Variants in PEX5L observed in about 807,000 individuals in gnomAD.
PEX5L encodes the protein PEX5-related protein.
PEX5L carries 30 observed loss-of-function variants against 84.0 expected under a neutral mutation model. That is an observed-to-expected ratio of 0.36 (90% CI 0.27 to 0.48). The LOEUF is 0.48. Among genes scored for constraint, PEX5L ranks in the 20% least tolerant of loss-of-function variants. The pLI is 0.99. For synonymous variants in PEX5L, 270 were observed against 283.1 expected (o/e 0.95, Z 0.46); for missense variants, 533 against 754.6 (o/e 0.71, Z 3.44).
At chr3:179,967,756 C>T (rs1783715970) in intron 2 of PEX5L, among the ~76,000 whole-genome samples, 1 of 152,114 alleles carries the variant, frequency 6.6e-6, no homozygotes. Flanking sequence ...TTTAAAACTG[C>T]ATTAGTTGTT....
At chr3:179,857,360 G>A (rs1744407808) in intron 8 of PEX5L, among the ~76,000 whole-genome samples, 1 of 152,220 alleles carries the variant, frequency 6.6e-6, no homozygotes, top group African/African-American at 2.4e-5. Flanking sequence ...TTCAGCATAA[G>A]AAAGAACTTT....
chr3:179,807,935 A>T, intron 13 of PEX5L, 104 bp from the exon 14 acceptor site: 2 of 1,049,740 alleles, frequency 1.9e-6, no homozygotes, highest in Non-Finnish European at 2.8e-6. Flanking sequence ...AAATTTATGC[A>T]GTGCTCATGG....
At chr3:179,975,469 T>C (rs1383305599) in intron 1 of PEX5L, among the ~76,000 whole-genome samples, 1 of 152,208 alleles carries the variant, frequency 6.6e-6, no homozygotes, top group East Asian at 1.9e-4. Flanking sequence ...AAAGGAACAC[T>C]TGATTTGGCT....
chr3:179,823,567 C>G (rs932808033), intron 8 of PEX5L, among the ~76,000 whole-genome samples: 2 of 152,038 alleles, frequency 1.3e-5, no homozygotes, highest in Non-Finnish European at 2.9e-5. Context: ...TGCTAGCATA[C>G]GTTATTTTGG....
chr3:179,899,608 C>T (rs955727725), intron 2 of PEX5L, among the ~76,000 whole-genome samples: 1 of 152,130 alleles, frequency 6.6e-6, no homozygotes, highest in African/African-American at 2.4e-5. Context: ...AAAACATTAT[C>T]CATTTTCTCA....
At chr3:179,829,486 A>G (rs1288858507) in intron 8 of PEX5L, among the ~76,000 whole-genome samples, 2 of 152,160 alleles carry the variant, frequency 1.3e-5, no homozygotes, top group East Asian at 3.8e-4. Flanking sequence ...GAATGTCTCA[A>G]TGTCCCAGTT....
chr3:179,999,756 G>GT (rs1788220409), intron 1 of PEX5L, among the ~76,000 whole-genome samples: 1 of 152,186 alleles, frequency 6.6e-6, no homozygotes, highest in South Asian at 2.1e-4. Flanking sequence ...CTCTGACCAA[G>GT]TCACTCGCTT....
chr3:179,995,630 G>A (rs1374280916), intron 1 of PEX5L, among the ~76,000 whole-genome samples: 2 of 152,116 alleles, frequency 1.3e-5, no homozygotes, highest in South Asian at 2.1e-4. Context: ...AGTAGACAAA[G>A]TGATGAAAGA....
intron 1 of PEX5L, among the ~76,000 whole-genome samples, chr3:180,021,954 TAA>T (rs1790461816): frequency 6.6e-6 from 1 of 152,242 alleles, no homozygotes. Context: ...ACATGTATTT[TAA>T]CTCTTAAAAT....
At chr3:179,853,143 C>A (rs2108475630) in intron 8 of PEX5L, among the ~76,000 whole-genome samples, 1 of 152,182 alleles carries the variant, frequency 6.6e-6, no homozygotes, top group African/African-American at 2.4e-5. Flanking sequence ...CTTGAGTGAT[C>A]ACCTGGTTTG....
intron 1 of PEX5L, among the ~76,000 whole-genome samples, chr3:179,993,356 G>A (rs535869201): frequency 3.5e-4 from 54 of 152,154 alleles, no homozygotes; most frequent in Non-Finnish European, 6.6e-4. Context: ...GGATCATAGT[G>A]TGTACAATTG....
At chr3:179,947,149 C>T (rs6798896) in intron 2 of PEX5L, among the ~76,000 whole-genome samples, 3,940 of 152,126 alleles carry the variant, frequency 0.026, 178 homozygotes, top group African/African-American at 0.091. Context: ...TTGGTAGTGG[C>T]CTTTCTCAGT....
At chr3:179,970,553 T>C (rs969990412) in intron 2 of PEX5L, among the ~76,000 whole-genome samples, 1 of 152,124 alleles carries the variant, frequency 6.6e-6, no homozygotes, top group African/African-American at 2.4e-5. Flanking sequence ...GGTAGAGAGA[T>C]GTTTTGGCAA....
intron 2 of PEX5L, among the ~76,000 whole-genome samples, chr3:179,908,273 A>C (rs1256809090): frequency 6.6e-6 from 1 of 152,206 alleles, no homozygotes; most frequent in Non-Finnish European, 1.5e-5. Context: ...AGCCACAGTC[A>C]GCGTGTAGCT....
chr3:179,856,107 T>C (rs753218206), intron 8 of PEX5L, among the ~76,000 whole-genome samples: 3 of 152,220 alleles, frequency 2.0e-5, no homozygotes, highest in African/African-American at 7.2e-5. Flanking sequence ...CATAACTGTC[T>C]GCAAGGTCTT....
At chr3:179,899,788 G>A in intron 2 of PEX5L, among the ~76,000 whole-genome samples, 2 of 152,184 alleles carry the variant, frequency 1.3e-5, no homozygotes, top group African/African-American at 4.8e-5. Context: ...ATTATAATGT[G>A]TTATTTCCAA....
At chr3:179,946,579 A>G (rs1009579908) in intron 2 of PEX5L, among the ~76,000 whole-genome samples, 1 of 152,258 alleles carries the variant, frequency 6.6e-6, no homozygotes, top group Non-Finnish European at 1.5e-5. Flanking sequence ...CACAAAGCAC[A>G]TACAAATTCT....
chr3:179,954,206 G>GT (rs376220426), intron 2 of PEX5L, among the ~76,000 whole-genome samples: 19,742 of 89,810 alleles, frequency 0.22, 1,750 homozygotes, highest in Non-Finnish European at 0.28. Context: ...CCATTAGTCG[G>GT]GGGGGGGGGA....
intron 2 of PEX5L, among the ~76,000 whole-genome samples, chr3:179,926,877 T>A (rs1466394008): frequency 6.6e-6 from 1 of 152,226 alleles, no homozygotes; most frequent in Non-Finnish European, 1.5e-5. Context: ...ATGGTCACCA[T>A]CCAAAACAAT....
Sources: allele counts gnomAD v4.1 joint callset (sites outside exome capture counted in the v4.1 genomes callset), GRCh38; gene constraint gnomAD v4.1.1; transcripts MANE v1.5; gene names NCBI Gene and HGNC (gene_info 2026-07-23, HGNC 2026-07-21).